The following LRP1B variants were observed in gnomAD, a reference collection of about 807,000 sequenced individuals.
The protein encoded by LRP1B is LDL receptor related protein 1B.
In LRP1B, 217 loss-of-function variants were observed where a neutral mutation model predicts 556.6. The observed-to-expected ratio is 0.39, with a 90% CI of 0.35 to 0.44. The LOEUF is 0.44. Among genes scored for constraint, LRP1B ranks in the 20% least tolerant of loss-of-function variants. The pLI, the probability that LRP1B is intolerant of heterozygous loss-of-function variation, is 1.00. For missense variants in LRP1B, 5,053 were observed against 5,620.8 expected (o/e 0.90, Z 3.23); for synonymous variants, 2,047 against 1,865.8 (o/e 1.10, Z -2.50).
chr2:140,432,660 C>A (rs1461315219), intron 66 of LRP1B, among the ~76,000 whole-genome samples: 1 of 152,182 alleles, frequency 6.6e-6, no homozygotes, highest in African/African-American at 2.4e-5. Flanking sequence ...TCCAACAGCA[C>A]TAACTTCATC....
chr2:141,905,330 T>C (rs569244383), intron 1 of LRP1B, among the ~76,000 whole-genome samples: 22 of 151,788 alleles, frequency 1.4e-4, no homozygotes, highest in African/African-American at 5.1e-4. Context: ...GAGAACAGAG[T>C]TAACATAAAG....
At chr2:141,502,421 A>G (rs571979839) in intron 2 of LRP1B, among the ~76,000 whole-genome samples, 1 of 152,290 alleles carries the variant, frequency 6.6e-6, no homozygotes, top group Admixed American at 6.5e-5. Flanking sequence ...TTTTTAATCA[A>G]AAGATTCCAG....
At chr2:141,516,940 G>A (rs1315813397) in intron 2 of LRP1B, among the ~76,000 whole-genome samples, 3 of 132,600 alleles carry the variant, frequency 2.3e-5, no homozygotes, top group Non-Finnish European at 4.6e-5. Context: ...CAGGTGATCC[G>A]CCTGCCTCGG....
At chr2:141,396,823 A>G (rs1690252085) in intron 3 of LRP1B, among the ~76,000 whole-genome samples, 1 of 152,092 alleles carries the variant, frequency 6.6e-6, no homozygotes, top group Admixed American at 6.6e-5. Flanking sequence ...CCAGACATAC[A>G]AATAAAAGAG....
At chr2:141,998,382 G>A (rs1160968535) in intron 1 of LRP1B, among the ~76,000 whole-genome samples, 3 of 152,030 alleles carry the variant, frequency 2.0e-5, no homozygotes, top group Non-Finnish European at 2.9e-5. Flanking sequence ...TTGGGTTAGA[G>A]GCATGTGCTC....
At chr2:140,944,069 C>T (rs1486488038) in intron 20 of LRP1B, among the ~76,000 whole-genome samples, 1 of 151,732 alleles carries the variant, frequency 6.6e-6, no homozygotes, top group Non-Finnish European at 1.5e-5. Context: ...TAAGCACAAC[C>T]CCAGAGGACA....
chr2:141,235,262 T>A (rs957931943), intron 5 of LRP1B, among the ~76,000 whole-genome samples: 5 of 152,242 alleles, frequency 3.3e-5, no homozygotes, highest in South Asian at 2.1e-4. Flanking sequence ...TTAATTAATT[T>A]ATCTAGTATT....
At chr2:141,838,265 A>T (rs1227471788) in intron 1 of LRP1B, among the ~76,000 whole-genome samples, 1 of 152,120 alleles carries the variant, frequency 6.6e-6, no homozygotes, top group Non-Finnish European at 1.5e-5. Flanking sequence ...AACAAAATGC[A>T]GTGTGAATAA....
intron 1 of LRP1B, among the ~76,000 whole-genome samples, chr2:141,965,594 G>T (rs1378928004): frequency 2.0e-5 from 2 of 99,296 alleles, no homozygotes; most frequent in Admixed American, 1.1e-4. Context: ...TGGGGACTGT[G>T]GTGGGGAGGG....
At chr2:141,104,847 C>T (rs538648505) in intron 7 of LRP1B, among the ~76,000 whole-genome samples, 2 of 152,042 alleles carry the variant, frequency 1.3e-5, no homozygotes, top group East Asian at 3.9e-4. Context: ...AAACACCTGC[C>T]TGTCGTTAAT....
At chr2:141,858,088 G>A (rs1389007721) in intron 1 of LRP1B, among the ~76,000 whole-genome samples, 2 of 151,940 alleles carry the variant, frequency 1.3e-5, no homozygotes, top group East Asian at 1.9e-4. Flanking sequence ...AATTTTTGCT[G>A]TACCTTATCA....
chr2:141,055,541 A>G (rs1374528445), intron 9 of LRP1B, among the ~76,000 whole-genome samples: 1 of 151,960 alleles, frequency 6.6e-6, no homozygotes, highest in African/African-American at 2.4e-5. Flanking sequence ...GCAAAATAAA[A>G]GTAACATAAC....
intron 1 of LRP1B, among the ~76,000 whole-genome samples, chr2:141,904,464 G>C (rs1055641426): frequency 6.6e-6 from 1 of 151,854 alleles, no homozygotes; most frequent in Non-Finnish European, 1.5e-5. Flanking sequence ...AGGGCTTCTG[G>C]AGGGCATACG....
At chr2:141,962,682 TA>T (rs1375101028) in intron 1 of LRP1B, among the ~76,000 whole-genome samples, 1 of 151,702 alleles carries the variant, frequency 6.6e-6, no homozygotes, top group African/African-American at 2.4e-5. Context: ...TCAATTACAC[TA>T]AAAAGGCCAC....
chr2:141,482,729 A>T (rs946923474), intron 2 of LRP1B, among the ~76,000 whole-genome samples: 2 of 152,086 alleles, frequency 1.3e-5, no homozygotes, highest in Non-Finnish European at 2.9e-5. Context: ...GTAGCTTTTT[A>T]AAATTACTTG....
At chr2:141,507,724 A>G (rs1297085887) in intron 2 of LRP1B, among the ~76,000 whole-genome samples, 1 of 152,138 alleles carries the variant, frequency 6.6e-6, no homozygotes, top group Non-Finnish European at 1.5e-5. Context: ...ATAGTTTTTG[A>G]GTACCTACTA....
chr2:141,658,082 A>T (rs774119237), intron 2 of LRP1B, among the ~76,000 whole-genome samples: 8 of 152,190 alleles, frequency 5.3e-5, no homozygotes, highest in Non-Finnish European at 1.2e-4. Flanking sequence ...ACTCAAGCAG[A>T]TAGTCAAATT....
intron 1 of LRP1B, among the ~76,000 whole-genome samples, chr2:141,903,717 C>T (rs1166743638): frequency 6.6e-6 from 1 of 151,896 alleles, no homozygotes; most frequent in East Asian, 1.9e-4. Context: ...AAATAGTTTT[C>T]TTGCCTACAA....
At chr2:141,623,008 TG>T in intron 2 of LRP1B, among the ~76,000 whole-genome samples, 1 of 152,190 alleles carries the variant, frequency 6.6e-6, no homozygotes, top group Non-Finnish European at 1.5e-5. Flanking sequence ...ATAACACATA[TG>T]GTTCAGCATG....
Sources: gnomAD v4.1 joint callset for allele counts (sites outside exome capture counted in the v4.1 genomes callset) on GRCh38, gnomAD v4.1.1 for gene constraint, MANE v1.5 for transcripts, NCBI Gene and HGNC (gene_info 2026-07-23, HGNC 2026-07-21) for gene names.